The following POLK variants were observed in gnomAD, a reference collection of about 807,000 sequenced individuals.
The protein encoded by POLK is polymerase (DNA directed) kappa.
Under a neutral mutation model 94.0 loss-of-function variants are expected in POLK, and 76 were observed. The observed-to-expected ratio is 0.81, with a 90% CI of 0.67 to 0.98. The LOEUF (loss-of-function observed/expected upper bound fraction) is 0.98. POLK is among the 50% of genes least tolerant of loss of function. The pLI, the probability that POLK is intolerant of heterozygous loss-of-function variation, is 0.00. For synonymous variants in POLK, 349 were observed against 325.4 expected (o/e 1.07, Z -0.78); for missense variants, 954 against 1,010.1 (o/e 0.94, Z 0.75).
chr5:75,586,013 A>G (rs1307615290), intron 9 of POLK, among the ~76,000 whole-genome samples: 1 of 152,228 alleles, frequency 6.6e-6, no homozygotes. Context: ...AGATGAAGAT[A>G]TCACAGCACT....
At chr5:75,516,890 T>C (rs1422954070) in intron 1 of POLK, among the ~76,000 whole-genome samples, 1 of 152,224 alleles carries the variant, frequency 6.6e-6, no homozygotes, top group Admixed American at 6.5e-5. Context: ...GCACCATTTA[T>C]TGAAGAGACT....
At chr5:75,575,333 CCA>C (rs982360723) in intron 5 of POLK, among the ~76,000 whole-genome samples, 1 of 152,118 alleles carries the variant, frequency 6.6e-6, no homozygotes, top group Non-Finnish European at 1.5e-5. Context: ...GCATGCATCA[CCA>C]CACCCACCTA....
At chr5:75,560,524 GT>G (rs571861684) in intron 3 of POLK, among the ~76,000 whole-genome samples, 4 of 151,928 alleles carry the variant, frequency 2.6e-5, no homozygotes, top group African/African-American at 4.8e-5. Flanking sequence ...AAAAAAATTT[GT>G]TTTTTTATTA....
chr5:75,520,278 T>G (rs1385891360), intron 1 of POLK, among the ~76,000 whole-genome samples: 1 of 152,240 alleles, frequency 6.6e-6, no homozygotes, highest in African/African-American at 2.4e-5. Context: ...TACGATTGTT[T>G]TTAACAAGTT....
intron 1 of POLK, among the ~76,000 whole-genome samples, chr5:75,534,169 G>A (rs1769330983): frequency 6.6e-6 from 1 of 151,926 alleles, no homozygotes. Flanking sequence ...AGGAGGCTGA[G>A]GCAGGAGAAT....
At chr5:75,547,089 G>A (rs1770062278) in exon 2 of POLK, 3 of 1,521,642 alleles carry the variant, frequency 2.0e-6, no homozygotes, top group Non-Finnish European at 2.7e-6. Context: ...GGGACTTAAT[G>A]ATAATAAAGC....
At chr5:75,573,521 AT>A (rs541234689) in intron 4 of POLK, among the ~76,000 whole-genome samples, 81 of 152,328 alleles carry the variant, frequency 5.3e-4, no homozygotes, top group African/African-American at 1.9e-3. Context: ...AATTAAAAAA[AT>A]ATATGATAGA....
At chr5:75,530,166 C>T (rs1375930821) in intron 1 of POLK, among the ~76,000 whole-genome samples, 1 of 151,260 alleles carries the variant, frequency 6.6e-6, no homozygotes, top group Non-Finnish European at 1.5e-5. Flanking sequence ...CTGGGAAGAT[C>T]TCCAGTTGAT....
chr5:75,538,289 C>A (rs1030183601), intron 1 of POLK, among the ~76,000 whole-genome samples: 1 of 152,142 alleles, frequency 6.6e-6, no homozygotes, highest in Non-Finnish European at 1.5e-5. Flanking sequence ...TTAAAATAAA[C>A]AGCATATTTG....
chr5:75,544,401 C>T (rs1412600249), intron 1 of POLK, among the ~76,000 whole-genome samples: 1 of 152,052 alleles, frequency 6.6e-6, no homozygotes, highest in Non-Finnish European at 1.5e-5. Context: ...AATCTCAGCT[C>T]TTTGGGAGGC....
At chr5:75,549,139 G>A (rs1236267424) in intron 2 of POLK, among the ~76,000 whole-genome samples, 1 of 151,884 alleles carries the variant, frequency 6.6e-6, no homozygotes, top group African/African-American at 2.4e-5. Context: ...GTTTTCCTGA[G>A]ACTTTTTTGA....
chr5:75,550,631 C>G (rs1043837628), intron 2 of POLK, among the ~76,000 whole-genome samples: 1 of 151,962 alleles, frequency 6.6e-6, no homozygotes, highest in Non-Finnish European at 1.5e-5. Context: ...TGTAATACAT[C>G]ATATTAAAAT....
exon 7 of POLK, chr5:75,581,283 C>G (rs1554060772): frequency 1.9e-6 from 3 of 1,611,942 alleles, no homozygotes; most frequent in Non-Finnish European, 2.5e-6. Context: ...TGAAGAGAGT[C>G]CTTCTGATGT....
chr5:75,575,823 T>C (rs1379577602), intron 5 of POLK, among the ~76,000 whole-genome samples: 1 of 152,222 alleles, frequency 6.6e-6, no homozygotes, highest in African/African-American at 2.4e-5. Context: ...CCTTTGTTTT[T>C]ATAAAAGAAG....
At chr5:75,547,650 A>G (rs1434587275) in intron 2 of POLK, among the ~76,000 whole-genome samples, 1 of 152,226 alleles carries the variant, frequency 6.6e-6, no homozygotes, top group East Asian at 1.9e-4. Context: ...AACTTTCTAT[A>G]TGTGCAAGTA....
At chr5:75,590,957 A>G (rs1390326898) in intron 11 of POLK, among the ~76,000 whole-genome samples, 2 of 152,162 alleles carry the variant, frequency 1.3e-5, no homozygotes, top group Admixed American at 6.5e-5. Flanking sequence ...CACTCACAAC[A>G]ATTTATATTT....
chr5:75,596,208 T>C lies in POLK; in HGVS notation c.1529-14T>C, dbSNP rs1252215621. ...TTGTTCAATTTGAAATTGATTGTGA[T>C]TGGTTTAATTTAGGTGTTCGGATAT... On this transcript the variant is annotated splice_polypyrimidine_tract_variant and intron_variant, in intron 12 of 14. Transcript: ENST00000241436. 6.4e-6 allele frequency: 9 copies of C among 1,396,386 alleles called. No individual in the cohort carries two copies. The African/African-American group carries it at 1.3e-4, about 20-fold the overall frequency. 86.5% of individuals were successfully genotyped at this position (1,396,386 alleles called of 1,614,324 possible). A position where few individuals can be genotyped will look rare whatever the true frequency, so the allele number is the denominator to read the frequency against.
intron 10 of POLK, 77 bp from the exon 11 acceptor site, chr5:75,590,267 A>G (rs903509366): frequency 3.0e-6 from 2 of 664,024 alleles, no homozygotes; most frequent in Admixed American, 2.5e-5. Flanking sequence ...TGCTAGCCAT[A>G]TAAACATGCA....
chr5:75,510,992 A>T (rs1767946230), upstream of POLK: 6 of 1,324,676 alleles, frequency 4.5e-6, no homozygotes, highest in Non-Finnish European at 6.0e-6. Flanking sequence ...CTGCAGCAAC[A>T]CTCAGCCTCG....
Sources: allele counts gnomAD v4.1 joint callset (sites outside exome capture counted in the v4.1 genomes callset), GRCh38; gene constraint gnomAD v4.1.1; transcripts MANE v1.5; gene names NCBI Gene and HGNC (gene_info 2026-07-23, HGNC 2026-07-21).